Variants in ADK observed in about 807,000 individuals in gnomAD.
ADK encodes the protein N6,N6-dimethyladenosine kinase.
ADK carries 24 observed loss-of-function variants against 44.7 expected under a neutral mutation model. The ratio of observed to expected loss-of-function variants is 0.54; its 90% CI spans 0.39 to 0.76. The LOEUF is 0.76. ADK is among the 30% of genes least tolerant of loss of function. The probability of loss-of-function intolerance (pLI) is 0.00; values close to 1 mark genes in which losing one functional copy is unlikely to be tolerated. For missense variants in ADK, 321 were observed against 425.1 expected (o/e 0.76, Z 2.15); for synonymous variants, 128 against 142.6 (o/e 0.90, Z 0.73).
chr10:74,325,556 G>A (rs981195393), intron 4 of ADK, among the ~76,000 whole-genome samples: 12 of 152,066 alleles, frequency 7.9e-5, no homozygotes, highest in Admixed American at 7.9e-4. Context: ...TCCTTGTCTT[G>A]TTCCAGATTT....
chr10:74,401,880 C>T (rs183307367), intron 6 of ADK, among the ~76,000 whole-genome samples: 7 of 152,166 alleles, frequency 4.6e-5, no homozygotes, highest in African/African-American at 1.4e-4. Context: ...GGCTGGTACC[C>T]GTTGTTCTTT....
chr10:74,632,585 T>C (rs1853481019), intron 9 of ADK, among the ~76,000 whole-genome samples: 1 of 152,170 alleles, frequency 6.6e-6, no homozygotes, highest in South Asian at 2.1e-4. Flanking sequence ...CATGGCCTTC[T>C]TCCCTGTGTA....
chr10:74,481,253 C>T (rs982885025), intron 6 of ADK, among the ~76,000 whole-genome samples: 1 of 152,086 alleles, frequency 6.6e-6, no homozygotes, highest in African/African-American at 2.4e-5. Context: ...TTGCCATTAT[C>T]CTGAAATAGA....
intron 9 of ADK, among the ~76,000 whole-genome samples, chr10:74,631,246 G>A (rs544591883): frequency 1.8e-4 from 27 of 151,192 alleles, no homozygotes; most frequent in East Asian, 7.8e-4. Context: ...GTGTGTGTGT[G>A]TGTATGTGTG....
At chr10:74,545,770 A>G (rs1849800603) in intron 7 of ADK, among the ~76,000 whole-genome samples, 1 of 152,202 alleles carries the variant, frequency 6.6e-6, no homozygotes, top group African/African-American at 2.4e-5. Context: ...GAGGCAATAT[A>G]TGTTTTCAGT....
intron 8 of ADK, among the ~76,000 whole-genome samples, chr10:74,596,799 C>T (rs1443851984): frequency 6.6e-5 from 10 of 152,128 alleles, no homozygotes; most frequent in Non-Finnish European, 1.3e-4. Context: ...CACCCGCCTC[C>T]GCCTCCCAGT....
intron 4 of ADK, among the ~76,000 whole-genome samples, chr10:74,340,916 A>G (rs1841562209): frequency 6.6e-6 from 1 of 152,214 alleles, no homozygotes; most frequent in Non-Finnish European, 1.5e-5. Context: ...ACATTGGAAC[A>G]TTGTGTCTGA....
chr10:74,177,943 A>ATTTTTT lies in ADK; in HGVS notation c.66-22820_66-22819insTTTTTT, dbSNP rs71475261. ...CATAATTATATATATATATATATAT[A>ATTTTTT]TATTTTTTTTTTTTTGAGACAGAGT... On this transcript the variant is annotated intron_variant, in intron 1 of 10. Coordinates refer to ENST00000539909, the MANE Select transcript of ADK (RefSeq NM_006721.4). Among the ~76,000 whole-genome samples, 278 of 56,832 alleles carry ATTTTTT rather than the reference A, an allele frequency of 4.9e-3. 3 individuals carry two copies. Among genetic ancestry groups the ATTTTTT allele is most frequent in the Non-Finnish European group, 0.01 (225 of 22,336 alleles). 37.3% of individuals were successfully genotyped at this position (56,832 alleles called of 152,430 possible).
chr10:74,389,376 A>G (rs1287014775), intron 4 of ADK, among the ~76,000 whole-genome samples: 1 of 152,228 alleles, frequency 6.6e-6, no homozygotes, highest in Non-Finnish European at 1.5e-5. Flanking sequence ...ATTGAGTATC[A>G]AAATGATAGG....
At chr10:74,396,846 C>T (rs1412989732) in intron 5 of ADK, among the ~76,000 whole-genome samples, 1 of 151,796 alleles carries the variant, frequency 6.6e-6, no homozygotes, top group African/African-American at 2.4e-5. Flanking sequence ...ATCCCAGCTA[C>T]TTGGGAGACT....
chr10:74,702,524 T>TTTCC (rs59918097), intron 10 of ADK, among the ~76,000 whole-genome samples: 20,213 of 120,738 alleles, frequency 0.17, 2,107 homozygotes, highest in East Asian at 0.45. Context: ...TCCTTCCTTC[T>TTTCC]TTCCTTCCTT....
intron 6 of ADK, among the ~76,000 whole-genome samples, chr10:74,509,878 TC>T (rs1372349668): frequency 6.6e-6 from 1 of 152,240 alleles, no homozygotes; most frequent in African/African-American, 2.4e-5. Flanking sequence ...CATAATGTCC[TC>T]CAGTTTTATC....
chr10:74,426,325 A>G (rs1367789261), intron 6 of ADK, among the ~76,000 whole-genome samples: 2 of 152,340 alleles, frequency 1.3e-5, no homozygotes, highest in Non-Finnish European at 2.9e-5. Flanking sequence ...TTCATGCAGC[A>G]TTATTAATAA....
At chr10:74,609,301 C>T (rs1478168093) in intron 9 of ADK, among the ~76,000 whole-genome samples, 1 of 152,172 alleles carries the variant, frequency 6.6e-6, no homozygotes, top group African/African-American at 2.4e-5. Flanking sequence ...AAAACTCCTG[C>T]AGCTAGCTTG....
At chr10:74,288,206 T>C (rs143839004) in intron 3 of ADK, among the ~76,000 whole-genome samples, 51 of 152,158 alleles carry the variant, frequency 3.4e-4, no homozygotes, top group African/African-American at 7.7e-4. Flanking sequence ...AGGGAACATA[T>C]AAAATTCAAT....
At chr10:74,356,255 T>C (rs531307884) in intron 4 of ADK, among the ~76,000 whole-genome samples, 1 of 151,458 alleles carries the variant, frequency 6.6e-6, no homozygotes, top group South Asian at 2.1e-4. Flanking sequence ...CCTGACCTCA[T>C]GATCCACCCG....
At chr10:74,536,963 G>A (rs1849470453) in intron 7 of ADK, among the ~76,000 whole-genome samples, 1 of 152,110 alleles carries the variant, frequency 6.6e-6, no homozygotes. Flanking sequence ...GAATGTTAAT[G>A]AACAAGTATC....
At chr10:74,429,583 G>A (rs926935653) in intron 6 of ADK, among the ~76,000 whole-genome samples, 2 of 152,116 alleles carry the variant, frequency 1.3e-5, no homozygotes, top group Non-Finnish European at 2.9e-5. Context: ...ATCAAGTTAG[G>A]TATAATATTA....
chr10:74,470,768 G>T (rs961610296), intron 6 of ADK, among the ~76,000 whole-genome samples: 1 of 151,626 alleles, frequency 6.6e-6, no homozygotes, highest in Non-Finnish European at 1.5e-5. Context: ...CCTTTGCTGT[G>T]CAATAGTTTG....
Sources: allele counts gnomAD v4.1 joint callset (sites outside exome capture counted in the v4.1 genomes callset), GRCh38; gene constraint gnomAD v4.1.1; transcripts MANE v1.5; gene names NCBI Gene and HGNC (gene_info 2026-07-23, HGNC 2026-07-21).